Variants in DIMT1 observed in about 807,000 individuals in gnomAD.
The protein encoded by DIMT1 is dimethyladenosine transferase.
DIMT1 carries 36 observed loss-of-function variants against 43.2 expected under a neutral mutation model. The observed-to-expected ratio is 0.83, with a 90% CI of 0.64 to 1.10. The LOEUF is 1.10. Among genes scored for constraint, DIMT1 ranks in the 50% least tolerant of loss-of-function variants. The pLI is 0.00. For synonymous variants in DIMT1, 126 were observed against 130.3 expected (o/e 0.97, Z 0.22); for missense variants, 341 against 385.3 (o/e 0.88, Z 0.96).
intron 6 of DIMT1, among the ~76,000 whole-genome samples, chr5:62,396,139 G>GTTTTTTTTTTTTTTTTTT (rs758847833): frequency 0.043 from 4,935 of 115,566 alleles, 502 homozygotes; most frequent in East Asian, 0.075. Context: ...GTCACTGCAG[G>GTTTTTTTTTTTTTTTTTT]TTTTTTTTTT....
chr5:62,403,212 G>A, intron 2 of DIMT1, 61 bp downstream of exon 2: 2 of 1,443,024 alleles, frequency 1.4e-6, no homozygotes, highest in Non-Finnish European at 1.9e-6. Context: ...CTGCGCTTAT[G>A]TATTCATAGG....
At chr5:62,397,717 C>T (rs957640477) in intron 6 of DIMT1, among the ~76,000 whole-genome samples, 3 of 151,804 alleles carry the variant, frequency 2.0e-5, no homozygotes, top group African/African-American at 4.8e-5. Context: ...GGCGCGATCT[C>T]GGCTCACTGC....
chr5:62,396,450 G>A (rs1295969204), intron 6 of DIMT1, among the ~76,000 whole-genome samples: 1 of 152,136 alleles, frequency 6.6e-6, no homozygotes, highest in Non-Finnish European at 1.5e-5. Context: ...GGAGGCTGCA[G>A]TGAGTGCAGA....
At chr5:62,392,576 A>G (rs1742348694) in intron 9 of DIMT1, among the ~76,000 whole-genome samples, 1 of 152,152 alleles carries the variant, frequency 6.6e-6, no homozygotes, top group South Asian at 2.1e-4. Context: ...CCCCAAATTG[A>G]TGAGCTGCAT....
At chr5:62,393,462 T>C (rs1440531500) in intron 8 of DIMT1, among the ~76,000 whole-genome samples, 6 of 152,184 alleles carry the variant, frequency 3.9e-5, no homozygotes, top group African/African-American at 1.4e-4. Context: ...AAGTATCATT[T>C]TCAAAAATAA....
In DIMT1 at chr5:62,392,950, T is replaced by C; in HGVS notation, c.704A>G (p.Asn235Ser). Residue 235 changes from asparagine (N) to serine (S), a missense_variant, in exon 9 of 12, where the codon AAC becomes AGC. By Grantham distance (46) the Asn-to-Ser change is conservative (BLOSUM62 1). Transcript: ENST00000199320. ...GLVRITFVRK[N>S]KTLSAAFKSS... is the part of the protein sequence containing the mutation. The stretch of plus-strand genomic sequence containing the variant: ...CTTAAATGCAGCAGAGAGTGTCTTG[T>C]TTTTCCTAACAAAGGTTATCCTTAC... The C allele has an allele frequency of 6.2e-7, 1 of 1,610,538 alleles. No homozygotes were observed. The highest frequency in any genetic ancestry group is 1.1e-5 in the South Asian group (1 of 90,906).
chr5:62,401,275 C>T (rs1164718664), intron 3 of DIMT1, among the ~76,000 whole-genome samples: 1 of 151,972 alleles, frequency 6.6e-6, no homozygotes, highest in Non-Finnish European at 1.5e-5. Context: ...GTTGGCGGAT[C>T]ACCTGAGGTC....
At chr5:62,403,555 G>A in intron 1 of DIMT1, 139 bp downstream of exon 1, 1 of 1,080,596 alleles carries the variant, frequency 9.3e-7, no homozygotes, top group Non-Finnish European at 1.3e-6. Flanking sequence ...GCCGAGTCGG[G>A]GACCCACCCC....
chr5:62,402,245 G>A, intron 2 of DIMT1, 123 bp from the exon 3 acceptor site: 1 of 938,988 alleles, frequency 1.1e-6, no homozygotes. Context: ...TCCATTTTTA[G>A]ATTTCTTCAT....
chr5:62,388,915 A>C lies in DIMT1; in HGVS notation c.*95T>G. ...TGAACCAAAAATAGTCAAGTAAATA[A>C]TGTCTCAGTAAAGCAAAAGCATTAT... On this transcript the variant is annotated 3_prime_UTR_variant, in exon 12 of 12. Coordinates refer to ENST00000199320, the MANE Select transcript of DIMT1 (RefSeq NM_014473.4). 8.7e-7 allele frequency: 1 copy of C among 1,150,646 alleles called. No homozygotes were observed. The highest frequency in any genetic ancestry group is 1.3e-5 in the South Asian group (1 of 74,520). The allele number at this position is 1,150,646 out of a possible 1,614,324, so 71.3% of individuals were successfully genotyped here. A position where few individuals can be genotyped will look rare whatever the true frequency, so the allele number is the denominator to read the frequency against.
At chr5:62,403,194 C>G (rs1049085948) in intron 2 of DIMT1, 79 bp downstream of exon 2, 2,380 of 1,242,398 alleles carry the variant, frequency 1.9e-3, no homozygotes, top group Admixed American at 0.012. Flanking sequence ...TTACGGCAGG[C>G]AGACTTTCTG....
At chr5:62,393,074 T>C (rs757482607) in intron 8 of DIMT1, 84 bp from the exon 9 acceptor site, 1 of 841,150 alleles carries the variant, frequency 1.2e-6, no homozygotes, top group Non-Finnish European at 1.9e-6. Flanking sequence ...TGTCTTTTAA[T>C]ATATACAATT....
In DIMT1 at chr5:62,392,859, G is replaced by A; in HGVS notation, c.728+67C>T. ...CTTTAGGGTAGCTGCTCAGGAAAAG[G>A]ACCAAATTCTAGCATAGTATCTGGA... On this transcript the variant is annotated intron_variant, in intron 9 of 11. Transcript: ENST00000199320. The A allele has an allele frequency of 2.7e-6, 3 of 1,130,532 alleles. No individual in the cohort carries two copies. In the South Asian group the frequency reaches 4.1e-5, roughly 15 times the overall value. The allele number at this position is 1,130,532 out of a possible 1,614,324, so 70.0% of individuals were successfully genotyped here.
chr5:62,401,126 G>C (rs1315372433), intron 3 of DIMT1, among the ~76,000 whole-genome samples: 1 of 152,106 alleles, frequency 6.6e-6, no homozygotes, highest in Non-Finnish European at 1.5e-5. Context: ...TCAACTTCTG[G>C]TTGGAATTGG....
At chr5:62,391,652 G>T in intron 10 of DIMT1, 1 of 1,089,744 alleles carries the variant, frequency 9.2e-7, no homozygotes, top group Non-Finnish European at 1.1e-6. Context: ...AAGCTAAAAA[G>T]ATAGCAAACA....
chr5:62,394,087 A>G (rs1184129581), intron 7 of DIMT1, 40 bp from the exon 8 acceptor site: 1 of 1,588,346 alleles, frequency 6.3e-7, no homozygotes. Flanking sequence ...TCACAAAGGC[A>G]ACTTTTATTT....
In DIMT1 at chr5:62,398,961, C is replaced by T. The variant is rs945871218; in HGVS notation, c.241-80G>A. On this transcript the variant is annotated intron_variant, in intron 3 of 11. Coordinates refer to ENST00000199320, the MANE Select transcript of DIMT1 (RefSeq NM_014473.4). ...ATTGTTATCCCAACAGGAACTCTTA[C>T]ATGATTTATGTGACAAACTTCTTCT... 1.1e-5 allele frequency: 12 copies of T among 1,112,024 alleles called. No homozygotes were observed. The Admixed American group carries it at 2.4e-4, about 22-fold the overall frequency. The allele number at this position is 1,112,024 out of a possible 1,614,324, so 68.9% of individuals were successfully genotyped here. A position where few individuals can be genotyped will look rare whatever the true frequency, so the allele number is the denominator to read the frequency against.
At chr5:62,400,054 T>C (rs1243497019) in intron 3 of DIMT1, among the ~76,000 whole-genome samples, 2 of 152,144 alleles carry the variant, frequency 1.3e-5, no homozygotes, top group Admixed American at 6.6e-5. Context: ...ATACACTACA[T>C]GTCTCTGCAG....
At chr5:62,400,810 G>A (rs1267516929) in intron 3 of DIMT1, among the ~76,000 whole-genome samples, 1 of 152,094 alleles carries the variant, frequency 6.6e-6, no homozygotes, top group Non-Finnish European at 1.5e-5. Context: ...CCAGGCTGTA[G>A]TGAAGTGGCA....
Sources: allele counts gnomAD v4.1 joint callset (sites outside exome capture counted in the v4.1 genomes callset), GRCh38; gene constraint gnomAD v4.1.1; transcripts MANE v1.5; gene names NCBI Gene and HGNC (gene_info 2026-07-23, HGNC 2026-07-21).